TRABD2B: variants seen among roughly 807,000 people sequenced by gnomAD.
The protein encoded by TRABD2B is metalloprotease TIKI2.
TRABD2B carries 14 observed loss-of-function variants against 40.1 expected under a neutral mutation model. The ratio of observed to expected loss-of-function variants is 0.35; its 90% confidence interval spans 0.23 to 0.55. TRABD2B has a LOEUF of 0.55. Ranked by LOEUF, TRABD2B falls within the 20% of genes least tolerant of loss-of-function variation. The pLI is 0.90. For synonymous variants in TRABD2B, 263 were observed against 277.0 expected, an observed-to-expected ratio of 0.95 and a Z score of 0.50; for missense variants, 541 against 648.6, an observed-to-expected ratio of 0.83 and a Z score of 1.80.
intron 2 of TRABD2B, among the ~76,000 whole-genome samples, chr1:47,991,444 C>G (rs2148461189): frequency 6.6e-6 from 1 of 152,220 alleles, no homozygotes; most frequent in Non-Finnish European, 1.5e-5. Flanking sequence ...GGTCACATAG[C>G]AAAGTCACGG....
intron 6 of TRABD2B, 45 bp from the exon 7 acceptor site, chr1:47,766,151 G>A (rs978759399): frequency 1.1e-5 from 8 of 699,598 alleles, no homozygotes; most frequent in African/African-American, 1.0e-4. Context: ...CGGCAGCCTC[G>A]TCCTGGGCAG....
intron 5 of TRABD2B, among the ~76,000 whole-genome samples, chr1:47,777,238 G>A (rs1458615891): frequency 1.3e-5 from 2 of 152,176 alleles, no homozygotes; most frequent in African/African-American, 4.8e-5. Flanking sequence ...GGAGAGGAGG[G>A]AAACTTGAAG....
chr1:47,968,264 T>C (rs962560476), intron 2 of TRABD2B, among the ~76,000 whole-genome samples: 16 of 152,206 alleles, frequency 1.1e-4, no homozygotes, highest in Non-Finnish European at 1.3e-4. Context: ...CTCATGAATA[T>C]GTATTTTCAT....
intron 2 of TRABD2B, among the ~76,000 whole-genome samples, chr1:47,985,975 T>C (rs1442957221): frequency 2.6e-5 from 4 of 151,964 alleles, no homozygotes; most frequent in Non-Finnish European, 5.9e-5. Context: ...CTAAGGAGTA[T>C]ATGTGAGAGG....
At chr1:47,821,839 G>A (rs1162714064) in intron 2 of TRABD2B, among the ~76,000 whole-genome samples, 1 of 152,158 alleles carries the variant, frequency 6.6e-6, no homozygotes, top group African/African-American at 2.4e-5. Context: ...CCTTCAGGCT[G>A]TCATCATCCC....
At chr1:47,865,747 A>G (rs1644046573) in intron 2 of TRABD2B, among the ~76,000 whole-genome samples, 2 of 152,146 alleles carry the variant, frequency 1.3e-5, no homozygotes, top group African/African-American at 4.8e-5. Flanking sequence ...CGCTTGTCAC[A>G]TCCTTCCAAT....
At chr1:47,977,055 T>C (rs1645766235) in intron 2 of TRABD2B, among the ~76,000 whole-genome samples, 1 of 151,966 alleles carries the variant, frequency 6.6e-6, no homozygotes, top group Non-Finnish European at 1.5e-5. Flanking sequence ...TTATGCAATT[T>C]TAAGGTTTAG....
intron 2 of TRABD2B, among the ~76,000 whole-genome samples, chr1:47,968,294 C>T (rs190158091): frequency 9.2e-5 from 14 of 152,302 alleles, no homozygotes; most frequent in Admixed American, 2.6e-4. Context: ...CTCAGCAAAT[C>T]CTTTTCCTAG....
chr1:47,863,372 T>TTATA (rs201881656), intron 2 of TRABD2B, among the ~76,000 whole-genome samples: 3,281 of 66,460 alleles, frequency 0.049, 339 homozygotes, highest in Non-Finnish European at 0.071. Flanking sequence ...CTATATAATT[T>TTATA]TATATATATA....
chr1:47,960,368 A>C (rs1645493768), intron 2 of TRABD2B, among the ~76,000 whole-genome samples: 1 of 152,218 alleles, frequency 6.6e-6, no homozygotes, highest in Non-Finnish European at 1.5e-5. Context: ...TGGCCAGGGC[A>C]ATCAGGCAGG....
At chr1:47,867,834 G>C (rs901944947) in intron 2 of TRABD2B, among the ~76,000 whole-genome samples, 1 of 152,232 alleles carries the variant, frequency 6.6e-6, no homozygotes, top group Non-Finnish European at 1.5e-5. Context: ...AACCAACAGA[G>C]TGTTGCAAAA....
intron 2 of TRABD2B, among the ~76,000 whole-genome samples, chr1:47,903,628 G>A (rs1644635354): frequency 6.6e-6 from 1 of 152,140 alleles, no homozygotes; most frequent in South Asian, 2.1e-4. Context: ...TGGAAGGGAA[G>A]CCAAAGCTGA....
rs75550144 is a variant in TRABD2B, at chr1:47,975,690, C to G, written c.666+18344G>C. On this transcript the variant is annotated intron_variant, in intron 2 of 6. Coordinates refer to ENST00000606738, the MANE Select transcript of TRABD2B (RefSeq NM_001194986.2). ...ACACCCAAGCCTGGGTTTGGCTTAA[C>G]AGCCAGCTCTTGTCCTAGAGCGGCA... is the stretch of plus-strand genomic sequence containing the variant. Among the ~76,000 whole-genome samples the G allele has an allele frequency of 4.5e-3, 689 of 152,318 alleles. 6 individuals are homozygous for G. The highest frequency in any genetic ancestry group is 0.016 in the African/African-American group (648 of 41,546).
chr1:47,893,115 C>T (rs1359624051), intron 2 of TRABD2B, among the ~76,000 whole-genome samples: 5 of 152,120 alleles, frequency 3.3e-5, no homozygotes, highest in Admixed American at 3.3e-4. Context: ...GATGGCCCCT[C>T]AGCTGGTGGG....
At chr1:47,879,104 CAA>C (rs5773970) in intron 2 of TRABD2B, among the ~76,000 whole-genome samples, 81 of 127,136 alleles carry the variant, frequency 6.4e-4, no homozygotes, top group African/African-American at 5.6e-4. Context: ...GACCTTGTCT[CAA>C]AAAAAAAAAA....
chr1:47,894,359 T>C (rs938015973), intron 2 of TRABD2B, among the ~76,000 whole-genome samples: 3 of 152,222 alleles, frequency 2.0e-5, no homozygotes, highest in African/African-American at 7.2e-5. Context: ...ATTCATCACA[T>C]AAAGTGCTTT....
chr1:47,968,316 G>GTA (rs772243182), intron 2 of TRABD2B, among the ~76,000 whole-genome samples: 2 of 152,138 alleles, frequency 1.3e-5, no homozygotes, highest in African/African-American at 2.4e-5. Flanking sequence ...GTCCGAGAAG[G>GTA]TAAACTGCAG....
At chr1:47,771,298 C>T (rs1328794261) in intron 6 of TRABD2B, among the ~76,000 whole-genome samples, 1 of 152,216 alleles carries the variant, frequency 6.6e-6, no homozygotes, top group East Asian at 1.9e-4. Context: ...AGGACAATGA[C>T]TCTGTGGCAC....
chr1:47,931,814 T>C (rs1182476101), intron 2 of TRABD2B, among the ~76,000 whole-genome samples: 1 of 152,134 alleles, frequency 6.6e-6, no homozygotes, highest in Non-Finnish European at 1.5e-5. Flanking sequence ...ATAAAAGTAC[T>C]GTGAAGTCAC....
Sources: allele counts gnomAD v4.1 joint callset (sites outside exome capture counted in the v4.1 genomes callset), GRCh38; gene constraint gnomAD v4.1.1; transcripts MANE v1.5; gene names NCBI Gene and HGNC (gene_info 2026-07-23, HGNC 2026-07-21).